The following CROCC2 variants were observed in gnomAD, a reference collection of about 807,000 sequenced individuals.
CROCC2 encodes ciliary rootlet coiled-coil protein 2.
CROCC2 carries 163 observed loss-of-function variants against 177.6 expected under a neutral mutation model. That is an observed-to-expected ratio of 0.92 (90% confidence interval 0.81 to 1.05). CROCC2 has a LOEUF of 1.05. Among genes scored for constraint, CROCC2 ranks in the 50% least tolerant of loss-of-function variants. CROCC2 has a pLI of 0.00. For missense variants in CROCC2, 1,929 were observed against 1,797.8 expected (o/e 1.07, Z -1.32); for synonymous variants, 904 against 787.3 (o/e 1.15, Z -2.48).
chr2:240,947,102 G>A (rs1023344938), intron 15 of CROCC2, among the ~76,000 whole-genome samples: 1 of 152,292 alleles, frequency 6.6e-6, no homozygotes, highest in African/African-American at 2.4e-5. Flanking sequence ...CTCAGGCACT[G>A]CTAAGCATTT....
intron 14 of CROCC2, among the ~76,000 whole-genome samples, chr2:240,945,803 G>A (rs968401647): frequency 2.0e-5 from 3 of 151,962 alleles, no homozygotes; most frequent in African/African-American, 7.3e-5. Context: ...GTACCATTTA[G>A]ATTGACAGTT....
At chr2:240,911,494 C>T (rs973803346) in intron 1 of CROCC2, among the ~76,000 whole-genome samples, 4 of 152,034 alleles carry the variant, frequency 2.6e-5, no homozygotes, top group East Asian at 3.9e-4. Flanking sequence ...GACGAGGTTT[C>T]GCCACGGTAG....
intron 27 of CROCC2, among the ~76,000 whole-genome samples, chr2:240,969,010 G>T (rs962817083): frequency 1.3e-5 from 2 of 152,214 alleles, no homozygotes; most frequent in African/African-American, 2.4e-5. Context: ...GAGCTCCCTT[G>T]CAGGCCCCAG....
intron 1 of CROCC2, among the ~76,000 whole-genome samples, chr2:240,909,942 G>A (rs556906894): frequency 1.2e-4 from 18 of 152,240 alleles, no homozygotes; most frequent in African/African-American, 3.6e-4. Flanking sequence ...GATGCAGGAG[G>A]CCCCCTGTGA....
chr2:240,938,858 T>C (rs2059482966), intron 14 of CROCC2, among the ~76,000 whole-genome samples: 1 of 152,218 alleles, frequency 6.6e-6, no homozygotes, highest in Non-Finnish European at 1.5e-5. Flanking sequence ...TTGTTCATTA[T>C]TATAGAAATA....
At chr2:240,967,247 C>T (rs2059689713) in intron 25 of CROCC2, 98 bp from the exon 26 acceptor site, 1 of 527,700 alleles carries the variant, frequency 1.9e-6, no homozygotes. Flanking sequence ...GCAGGCCAGA[C>T]CGTGAGCGGC....
At chr2:240,962,207 GAAAT>G (rs1445532293) in intron 20 of CROCC2, among the ~76,000 whole-genome samples, 2 of 145,794 alleles carry the variant, frequency 1.4e-5, no homozygotes, top group African/African-American at 5.0e-5. Flanking sequence ...TTCTAGCAAA[GAAAT>G]AATTATTATA....
At chr2:240,928,096 T>C (rs565595995) in intron 5 of CROCC2, among the ~76,000 whole-genome samples, 1 of 152,274 alleles carries the variant, frequency 6.6e-6, no homozygotes, top group African/African-American at 2.4e-5. Flanking sequence ...CATGGTCCTT[T>C]GTTTCCTTGT....
At chr2:240,932,115 C>A (rs920176812) in intron 7 of CROCC2, among the ~76,000 whole-genome samples, 1 of 152,206 alleles carries the variant, frequency 6.6e-6, no homozygotes, top group East Asian at 1.9e-4. Context: ...GGCCTTGACT[C>A]CTGAGACACT....
intron 19 of CROCC2, among the ~76,000 whole-genome samples, 186 bp downstream of exon 19, chr2:240,956,158 A>G (rs1308535424): frequency 6.6e-6 from 1 of 152,242 alleles, no homozygotes; most frequent in Non-Finnish European, 1.5e-5. Context: ...GGAAAGATCC[A>G]AGTGAACCAA....
intron 28 of CROCC2, chr2:240,985,957 A>T (rs1430548075): frequency 2.2e-6 from 1 of 456,520 alleles, no homozygotes; most frequent in Admixed American, 2.3e-5. Flanking sequence ...CCTCACACCG[A>T]TCCCTCTTTC....
intron 26 of CROCC2, 70 bp from the exon 27 acceptor site, chr2:240,968,059 G>A (rs964401788): frequency 7.4e-6 from 10 of 1,357,820 alleles, no homozygotes; most frequent in African/African-American, 3.0e-5. Context: ...AGTCCACAGA[G>A]CCCTGCATTG....
At chr2:240,939,164 A>G (rs991005757) in intron 14 of CROCC2, among the ~76,000 whole-genome samples, 2 of 152,138 alleles carry the variant, frequency 1.3e-5, no homozygotes, top group African/African-American at 4.8e-5. Context: ...TTATCAGAGT[A>G]AGGAAGTTCC....
intron 1 of CROCC2, among the ~76,000 whole-genome samples, chr2:240,916,565 C>G (rs1177892453): frequency 6.7e-6 from 1 of 149,948 alleles, no homozygotes; most frequent in African/African-American, 2.4e-5. Context: ...GCGCCCCCCT[C>G]CGGCTCCAGC....
rs768267648 is a variant in CROCC2 at position 240,963,699 on chromosome 2, C to T, written c.3231C>T (p.Arg1077=). The stretch of plus-strand genomic sequence containing the variant: ...GCCGGGCGCTGAGTGACGAGGCCCG[C>T]GAGAAGGACGTACTGTTGCTTTTCA... The part of the protein sequence containing the change: ...EARRALSDEA[R]EKDVLLLFNS... The change falls in exon 21 of 32, where the codon CGC becomes CGT. Residue 1077 remains arginine, a synonymous_variant. Coordinates refer to ENST00000690015, the MANE Select transcript of CROCC2 (RefSeq NM_001351305.2). The T allele has an allele frequency of 3.7e-5, 57 of 1,550,256 alleles. No homozygotes were observed. The Middle Eastern group carries it at 5.0e-4, about 14-fold the overall frequency.
At chr2:240,965,600 G>A in intron 23 of CROCC2, 36 bp from the exon 24 acceptor site, 1 of 1,549,886 alleles carries the variant, frequency 6.5e-7, no homozygotes, top group Non-Finnish European at 8.7e-7. Flanking sequence ...CTTCCTCACT[G>A]TCTCCCACGG....
chr2:240,910,680 T>C (rs143095968), intron 1 of CROCC2, among the ~76,000 whole-genome samples: 313 of 152,310 alleles, frequency 2.1e-3, no homozygotes, highest in African/African-American at 7.2e-3. Flanking sequence ...TACCGGCTCA[T>C]AGTATTCTTA....
chr2:240,932,771 C>A lies in CROCC2; in HGVS notation c.1114C>A (p.Arg372Ser). The change falls in exon 9 of 32, where the codon CGC (arginine) becomes AGC (serine). Residue 372 changes from arginine (R) to serine (S), a missense_variant. Transcript: ENST00000690015. ...SSITELGEPR[R>S]PLRSPQRATS... Reference sequence around the variant, plus strand: ...CATCACTGAATTGGGGGAGCCACGGCGCCCACTGAGGAGCCCCCAACGTGC... The same window carrying A: ...CATCACTGAATTGGGGGAGCCACGGAGCCCACTGAGGAGCCCCCAACGTGC... 7.8e-7 allele frequency: 1 copy of A among 1,289,046 alleles called. No homozygotes were observed. Among genetic ancestry groups the A allele is most frequent in the Non-Finnish European group, 1.1e-6 (1 of 909,334 alleles). The allele number at this position is 1,289,046 out of a possible 1,614,324, so 79.9% of individuals were successfully genotyped here. A position where few individuals can be genotyped will look rare whatever the true frequency, so the allele number is the denominator to read the frequency against.
At chr2:240,957,960 G>A (rs2059604129) in intron 19 of CROCC2, 1 of 985,114 alleles carries the variant, frequency 1.0e-6, no homozygotes, top group Non-Finnish European at 1.2e-6. Context: ...GGCTCACAGA[G>A]GGGCCTTCTC....
Sources: gnomAD v4.1 joint callset for allele counts (sites outside exome capture counted in the v4.1 genomes callset) on GRCh38, gnomAD v4.1.1 for gene constraint, MANE v1.5 for transcripts, NCBI Gene and HGNC (gene_info 2026-07-23, HGNC 2026-07-21) for gene names.